MAP4: variants seen among roughly 807,000 people sequenced by gnomAD.
MAP4 encodes the protein microtubule associated protein 4.
Under a neutral mutation model 170.2 loss-of-function variants are expected in MAP4, and 76 were observed. The observed-to-expected ratio is 0.45, with a 90% CI of 0.37 to 0.54. MAP4 has a LOEUF of 0.54. MAP4 is among the 20% of genes least tolerant of loss of function. The probability of loss-of-function intolerance (pLI) is 0.00; values close to 1 mark genes in which losing one functional copy is unlikely to be tolerated. For missense variants in MAP4, 2,506 were observed against 2,748.0 expected, an observed-to-expected ratio of 0.91 and a Z score of 1.97; for synonymous variants, 909 against 994.5, an observed-to-expected ratio of 0.91 and a Z score of 1.62.
chr3:47,928,827 A>T (rs946537313), intron 3 of MAP4, among the ~76,000 whole-genome samples: 1 of 144,814 alleles, frequency 6.9e-6, no homozygotes, highest in African/African-American at 2.5e-5. Flanking sequence ...AGCTGGAATT[A>T]AAAAAAAAAA....
chr3:47,892,088 T>A, intron 10 of MAP4: 1 of 1,536,114 alleles, frequency 6.5e-7, no homozygotes, highest in Non-Finnish European at 8.7e-7. Context: ...GTCTGGCCCC[T>A]CTATGAGTCC....
intron 1 of MAP4, among the ~76,000 whole-genome samples, chr3:48,082,405 C>T (rs572236664): frequency 1.2e-4 from 19 of 152,180 alleles, no homozygotes; most frequent in Non-Finnish European, 2.6e-4. Context: ...TCCCTTCCCC[C>T]AGAATATGGA....
chr3:47,883,582 CCTT>C (rs1275781904), intron 10 of MAP4, among the ~76,000 whole-genome samples: 1 of 152,206 alleles, frequency 6.6e-6, no homozygotes, highest in Non-Finnish European at 1.5e-5. Flanking sequence ...TTCCAAGCCT[CCTT>C]CTGTTACCAA....
At chr3:47,926,454 G>C (rs2100046020) in intron 4 of MAP4, among the ~76,000 whole-genome samples, 1 of 152,112 alleles carries the variant, frequency 6.6e-6, no homozygotes, top group African/African-American at 2.4e-5. Context: ...AAAGTGCTGG[G>C]ATTACAAGTG....
chr3:47,934,098 G>A (rs1286708125), intron 3 of MAP4, among the ~76,000 whole-genome samples: 2 of 152,150 alleles, frequency 1.3e-5, no homozygotes, highest in African/African-American at 4.8e-5. Flanking sequence ...GAAATCTCAA[G>A]GCTGACCGAA....
chr3:47,998,891 G>C lies in MAP4; in HGVS notation c.-19-12C>G, dbSNP rs745572275. ...ACCACTGCAACTGCCTGGTGAAGAG[G>C]AAAAAGATCTTTCATGTAACGAGCA... On this transcript the variant is annotated splice_polypyrimidine_tract_variant and intron_variant, in intron 1 of 20. Coordinates refer to ENST00000683076, the MANE Select transcript of MAP4 (RefSeq NM_001385682.1). 1 of 1,451,570 alleles carries C rather than the reference G, an allele frequency of 6.9e-7. No homozygotes were observed. The highest frequency in any genetic ancestry group is 1.1e-5 in the South Asian group (1 of 87,026). The allele number at this position is 1,451,570 out of a possible 1,614,324, so 89.9% of individuals were successfully genotyped here. A position where few individuals can be genotyped will look rare whatever the true frequency, so the allele number is the denominator to read the frequency against.
chr3:48,054,798 ACT>A (rs2100129831), intron 1 of MAP4, among the ~76,000 whole-genome samples: 1 of 151,296 alleles, frequency 6.6e-6, no homozygotes, highest in African/African-American at 2.4e-5. Flanking sequence ...ACAAAGCAAG[ACT>A]CTGTCTCCAA....
chr3:48,048,504 ATCTT>A (rs1297999473), intron 1 of MAP4, among the ~76,000 whole-genome samples: 53 of 119,840 alleles, frequency 4.4e-4, no homozygotes, highest in Non-Finnish European at 6.5e-4. Flanking sequence ...GATCTCAATT[ATCTT>A]TTTTTTTTTT....
At chr3:47,857,615 C>T in intron 17 of MAP4, 103 bp from the exon 18 acceptor site, 1 of 769,128 alleles carries the variant, frequency 1.3e-6, no homozygotes, top group Non-Finnish European at 2.2e-6. Context: ...GTTTCTCGCT[C>T]CCTCTGTAAG....
intron 1 of MAP4, among the ~76,000 whole-genome samples, chr3:48,061,191 CCCCTCCCCCTCT>C (rs948874810): frequency 1.5e-4 from 22 of 151,246 alleles, no homozygotes; most frequent in Non-Finnish European, 2.2e-4. Context: ...CCTCCCCCTC[CCCCTCCCCCTCT>C]CCCTCTCCCT....
intron 2 of MAP4, among the ~76,000 whole-genome samples, chr3:47,989,541 T>C (rs1248838947): frequency 6.6e-6 from 1 of 152,170 alleles, no homozygotes. Context: ...AACTGTAGGC[T>C]GATCAAGAAA....
intron 1 of MAP4, among the ~76,000 whole-genome samples, chr3:48,022,896 GGA>G (rs2100111268): frequency 1.3e-5 from 1 of 76,318 alleles, no homozygotes; most frequent in South Asian, 3.7e-4. Flanking sequence ...ATCTCAGGGG[GGA>G]AAAAAAAAAA....
In MAP4 at chr3:47,974,611, TTTATG is replaced by T. The variant is rs1430803880; in HGVS notation, c.292+3249_292+3253del. On this transcript the variant is annotated intron_variant, in intron 3 of 20. Transcript: ENST00000683076. The stretch of plus-strand genomic sequence containing the variant: ...TAAGATTTCAAAACATGGTCCATGT[TTTATG>T]TTATATTTCTATAAATACAATCAAA... The T allele has an allele frequency of 1.8e-5, 17 of 960,150 alleles. No homozygotes were observed. In the East Asian group the frequency reaches 5.8e-4, roughly 33 times the overall value. The allele number at this position is 960,150 out of a possible 1,614,324, so 59.5% of individuals were successfully genotyped here. A position where few individuals can be genotyped will look rare whatever the true frequency, so the allele number is the denominator to read the frequency against.
At chr3:47,891,034 G>A in intron 10 of MAP4, 1 of 1,484,478 alleles carries the variant, frequency 6.7e-7, no homozygotes, top group Admixed American at 2.5e-5. Context: ...CATCACGTGG[G>A]GGCTTTTCAA....
intron 3 of MAP4, chr3:47,975,548 A>G (rs140114210): frequency 4.6e-6 from 4 of 867,046 alleles, no homozygotes; most frequent in Non-Finnish European, 5.8e-6. Context: ...AGTAAACAGC[A>G]AGTTCAATAT....
At chr3:48,051,890 A>C (rs1386833766) in intron 1 of MAP4, among the ~76,000 whole-genome samples, 1 of 152,232 alleles carries the variant, frequency 6.6e-6, no homozygotes, top group Non-Finnish European at 1.5e-5. Flanking sequence ...CCTACTGCCA[A>C]TGTGAGGGCT....
rs1255933210 is a variant in MAP4 at position 47,916,089 on chromosome 3, A to G, written c.1738T>C (p.Ser580Pro). Reference sequence around the variant, plus strand: ...GGAACTGGTGTTGCCTCTGTTTCTGAGAGTGGTGGAACATCTTTGGCTGGA... The same window carrying G: ...GGAACTGGTGTTGCCTCTGTTTCTGGGAGTGGTGGAACATCTTTGGCTGGA... The part of the protein sequence containing the change: ...VTPAKDVPPL[S>P]ETEATPVPIK... The change falls in exon 7 of 21, where the codon TCA (serine) becomes CCA (proline). Residue 580 changes from serine (S) to proline (P), a missense_variant. Around this residue, in one of 3 missense-constraint regions of MAP4, gnomAD observed 2,008 missense variants for 2,206.0 expected, o/e 0.91. Transcript: ENST00000683076. The G allele has an allele frequency of 5.0e-6, 8 of 1,614,166 alleles. 1 individual carries two copies. In the South Asian group the frequency reaches 8.8e-5, roughly 18 times the overall value.
intron 1 of MAP4, among the ~76,000 whole-genome samples, chr3:48,046,739 G>A (rs2100124750): frequency 6.6e-6 from 1 of 152,136 alleles, no homozygotes; most frequent in African/African-American, 2.4e-5. Flanking sequence ...CTTTTCCTCT[G>A]TTGAGCTAGG....
rs1060407 is a variant in MAP4, at chr3:47,916,547, G to A, written c.1280C>T (p.Ser427Phe). The A allele has an allele frequency of 1.2e-6, 2 of 1,614,038 alleles. No homozygotes were observed. Among genetic ancestry groups the A allele is most frequent in the South Asian group, 1.1e-5 (1 of 91,078 alleles). ...CTTCTCAGCAGAGGATATTTCTGTGGATGATATAATGTCATTAGCCTGTGC... is the reference window on the plus strand; with the variant it reads ...CTTCTCAGCAGAGGATATTTCTGTGAATGATATAATGTCATTAGCCTGTGC... ...EVAQANDIISSTEISSAEKVA... is the reference protein window; with the variant it reads ...EVAQANDIISFTEISSAEKVA... Residue 427 changes from serine to phenylalanine, a missense_variant, in exon 7 of 21, where the codon TCC (serine) becomes TTC (phenylalanine). This residue lies in a region of MAP4 where 2,008 missense variants were observed against 2,206.0 expected (regional missense o/e 0.91). Transcript: ENST00000683076.
Sources: gnomAD v4.1 joint callset for allele counts (sites outside exome capture counted in the v4.1 genomes callset) on GRCh38, gnomAD v4.1.1 for gene constraint, gnomAD v4.1.1 regional missense constraint, MANE v1.5 for transcripts, NCBI Gene and HGNC (gene_info 2026-07-23, HGNC 2026-07-21) for gene names.